Variants in SDHAF3 observed in about 807,000 individuals in gnomAD.
The protein encoded by SDHAF3 is succinate dehydrogenase complex assembly factor 3.
SDHAF3 carries 18 observed loss-of-function variants against 11.5 expected under a neutral mutation model. The observed-to-expected ratio is 1.56, with a 90% CI of 1.08 to 2.32. SDHAF3 has a LOEUF of 2.32. SDHAF3 is among the 30% of genes most tolerant of loss of function. The pLI, the probability that SDHAF3 is intolerant of heterozygous loss-of-function variation, is 0.00. For synonymous variants in SDHAF3, 72 were observed against 59.3 expected, an observed-to-expected ratio of 1.21 and a Z score of -0.99; for missense variants, 200 against 154.4, an observed-to-expected ratio of 1.30 and a Z score of -1.57.
At chr7:97,122,445 A>C (rs1791515903) in intron 1 of SDHAF3, among the ~76,000 whole-genome samples, 1 of 152,162 alleles carries the variant, frequency 6.6e-6, no homozygotes, top group South Asian at 2.1e-4. Flanking sequence ...CCCAGTCTCA[A>C]ATAGGTATAT....
At chr7:97,158,363 T>C (rs1447535280) in intron 1 of SDHAF3, among the ~76,000 whole-genome samples, 1 of 152,228 alleles carries the variant, frequency 6.6e-6, no homozygotes, top group African/African-American at 2.4e-5. Flanking sequence ...AGTCTCACTC[T>C]GTTGCCCAGG....
Position 97,181,054 on chromosome 7 carries a change from CA to C in SDHAF3, c.221del (p.Asn74IlefsTer31). On this transcript the variant is annotated frameshift_variant, in exon 2 of 2. Coordinates refer to ENST00000432641, the MANE Select transcript of SDHAF3 (RefSeq NM_020186.3). LOFTEE classifies it high-confidence loss of function. ...ATTGCAACAGGCTAACGAAAACAGA[CA>C]AAATTCAACTGGAAAAGCATGTTTT... is the stretch of plus-strand genomic sequence containing the variant. ...ALLQQANENR[Q>X]NSTGKACFGT... The C allele has an allele frequency of 6.2e-7, 1 of 1,613,862 alleles. No homozygotes were observed.
At chr7:97,138,857 C>T (rs966306531) in intron 1 of SDHAF3, among the ~76,000 whole-genome samples, 1 of 152,222 alleles carries the variant, frequency 6.6e-6, no homozygotes, top group Non-Finnish European at 1.5e-5. Flanking sequence ...CCCATCTGGT[C>T]CCTGCTTGTG....
intron 1 of SDHAF3, among the ~76,000 whole-genome samples, chr7:97,121,913 A>G (rs1416984034): frequency 6.9e-6 from 1 of 143,964 alleles, no homozygotes; most frequent in African/African-American, 2.6e-5. Context: ...GCTGGAGTGC[A>G]GTGGCGTGAT....
At chr7:97,129,462 C>T (rs150693115) in intron 1 of SDHAF3, among the ~76,000 whole-genome samples, 213 of 152,242 alleles carry the variant, frequency 1.4e-3, no homozygotes, top group African/African-American at 4.9e-3. Context: ...CATTCTTGTT[C>T]TCTAGTCATT....
At chr7:97,180,480 A>G (rs1027715519) in intron 1 of SDHAF3, among the ~76,000 whole-genome samples, 2 of 152,172 alleles carry the variant, frequency 1.3e-5, no homozygotes, top group Non-Finnish European at 2.9e-5. Context: ...GAAAAGCTAC[A>G]TGTTGGGTAT....
intron 1 of SDHAF3, among the ~76,000 whole-genome samples, chr7:97,142,040 G>GTTTTTTTTTTTTT (rs1474413744): frequency 1.1e-5 from 1 of 87,916 alleles, no homozygotes; most frequent in African/African-American, 4.3e-5. Context: ...GTGAATTGTT[G>GTTTTTTTTTTTTT]TCTTTTTTTT....
Position 97,130,037 on chromosome 7 carries a change from C to T in SDHAF3, c.174+12140C>T, listed in dbSNP as rs369979445. Among the ~76,000 whole-genome samples the T allele has an allele frequency of 3.8e-3, 573 of 152,120 alleles. 1 individual carries two copies. The highest frequency in any genetic ancestry group is 0.013 in the African/African-American group (520 of 41,492). ...AGGATGAGGAGAAGGCAGTGGAGCC[C>T]GAAAACTTGGAGATGCGAGGAACTG... is the stretch of plus-strand genomic sequence containing the variant. On this transcript the variant is annotated intron_variant, in intron 1 of 1. Transcript: ENST00000432641.
chr7:97,153,282 A>G (rs917381909), intron 1 of SDHAF3, among the ~76,000 whole-genome samples: 33 of 152,196 alleles, frequency 2.2e-4, no homozygotes, highest in African/African-American at 7.7e-4. Context: ...GGCGTGTTAC[A>G]TGTTGGAATC....
At chr7:97,131,177 G>A (rs934075477) in intron 1 of SDHAF3, among the ~76,000 whole-genome samples, 2 of 152,196 alleles carry the variant, frequency 1.3e-5, no homozygotes, top group Non-Finnish European at 2.9e-5. Context: ...CTTTTGTGCT[G>A]TAAGATGATT....
At chr7:97,148,044 C>T (rs1300051570) in intron 1 of SDHAF3, among the ~76,000 whole-genome samples, 23 of 152,052 alleles carry the variant, frequency 1.5e-4, no homozygotes, top group Admixed American at 1.5e-3. Flanking sequence ...GCTGGGATTA[C>T]AGGCACATGC....
intron 1 of SDHAF3, among the ~76,000 whole-genome samples, chr7:97,158,221 G>T (rs544631897): frequency 5.3e-4 from 80 of 152,202 alleles, no homozygotes; most frequent in Admixed American, 9.8e-4. Context: ...CAGGCTAACA[G>T]TTACATTTCC....
In SDHAF3 at chr7:97,160,605, C is replaced by T. The variant is rs184495462; in HGVS notation, c.175-20407C>T. Among the ~76,000 whole-genome samples, 6 of 152,216 alleles carry T rather than the reference C, an allele frequency of 3.9e-5. 1 individual carries two copies. In the South Asian group the frequency reaches 8.3e-4, roughly 21 times the overall value. ...GCTGTTAATCTACAACCTTACCCCC[C>T]GACCCCCAAAAGAAAAAAAAGAATA... is the stretch of plus-strand genomic sequence containing the variant. On this transcript the variant is annotated intron_variant, in intron 1 of 1. Transcript: ENST00000432641.
intron 1 of SDHAF3, among the ~76,000 whole-genome samples, chr7:97,139,922 T>C (rs1444798059): frequency 6.6e-6 from 1 of 152,240 alleles, no homozygotes; most frequent in African/African-American, 2.4e-5. Flanking sequence ...TCATGAATAA[T>C]CTTGCCTTTA....
At chr7:97,150,286 G>A (rs1789198763) in intron 1 of SDHAF3, among the ~76,000 whole-genome samples, 1 of 152,122 alleles carries the variant, frequency 6.6e-6, no homozygotes, top group African/African-American at 2.4e-5. Flanking sequence ...GCTGTTAATC[G>A]CATCTAGAAT....
At chr7:97,165,357 CTTTTTTTTT>C (rs10653828) in intron 1 of SDHAF3, among the ~76,000 whole-genome samples, 2 of 77,024 alleles carry the variant, frequency 2.6e-5, no homozygotes, top group African/African-American at 5.0e-5. Flanking sequence ...ATTTTCCTAC[CTTTTTTTTT>C]TTTTTTTTTT....
At chr7:97,144,291 G>A (rs1399689246) in intron 1 of SDHAF3, among the ~76,000 whole-genome samples, 5 of 152,048 alleles carry the variant, frequency 3.3e-5, no homozygotes, top group Non-Finnish European at 5.9e-5. Flanking sequence ...TGTGTTGTCT[G>A]TTTGCTGACT....
At chr7:97,179,968 G>C (rs1789745776) in intron 1 of SDHAF3, among the ~76,000 whole-genome samples, 1 of 152,200 alleles carries the variant, frequency 6.6e-6, no homozygotes, top group Non-Finnish European at 1.5e-5. Context: ...ATTATCCAGA[G>C]TTAGCCAGTT....
At chr7:97,141,139 T>G (rs1279508301) in intron 1 of SDHAF3, among the ~76,000 whole-genome samples, 2 of 152,144 alleles carry the variant, frequency 1.3e-5, no homozygotes, top group African/African-American at 4.8e-5. Flanking sequence ...ACGAGGAAAT[T>G]CCCACCTAAT....
Sources: gnomAD v4.1 joint callset for allele counts (sites outside exome capture counted in the v4.1 genomes callset) on GRCh38, gnomAD v4.1.1 for gene constraint, MANE v1.5 for transcripts, NCBI Gene and HGNC (gene_info 2026-07-23, HGNC 2026-07-21) for gene names.